Variants in ELF4 observed in about 807,000 individuals in gnomAD.
ELF4 encodes the protein ETS-related transcription factor Elf-4.
A neutral mutation model predicts 31.7 loss-of-function variants in ELF4; 10 were observed. That is an observed-to-expected ratio of 0.32 (90% confidence interval 0.19 to 0.54). The LOEUF is 0.54. Among genes scored for constraint, ELF4 ranks in the 20% least tolerant of loss-of-function variants. ELF4 has a pLI of 0.95. For synonymous variants in ELF4, 208 were observed against 226.7 expected, an observed-to-expected ratio of 0.92 and a Z score of 0.74; for missense variants, 418 against 522.0, an observed-to-expected ratio of 0.80 and a Z score of 1.94.
rs1322653339 is a variant in ELF4, at chrX:130,102,813, A to T, written c.-210+7512T>A. On this transcript the variant is annotated intron_variant, in intron 1 of 8. Coordinates refer to ENST00000308167, the MANE Select transcript of ELF4 (RefSeq NM_001421.4). ...GCCTGGGCAACAGAGCAAGACCAAGAAAAAGAAAGAAAGAAGAAAGCAAGA... is the reference window on the plus strand; with the variant it reads ...GCCTGGGCAACAGAGCAAGACCAAGTAAAAGAAAGAAAGAAGAAAGCAAGA... Among the ~76,000 whole-genome samples the T allele has an allele frequency of 1.1e-4, 12 of 104,400 alleles. No homozygotes were observed. The South Asian group carries it at 5.3e-3, about 46-fold the overall frequency. 90.7% of individuals were successfully genotyped at this position (104,400 alleles called of 115,157 possible). A position where few individuals can be genotyped will look rare whatever the true frequency, so the allele number is the denominator to read the frequency against.
In ELF4 at chrX:130,069,326, G is replaced by A; in HGVS notation, c.1161C>T (p.Gly387=). 2 of 1,212,252 alleles carry A rather than the reference G, an allele frequency of 1.6e-6. No homozygotes were observed. Among genetic ancestry groups the A allele is most frequent in the Non-Finnish European group, 2.2e-6 (2 of 895,620 alleles). Residue 387 remains glycine, a synonymous_variant, in exon 8 of 9, where the codon GGC becomes GGT. Transcript: ENST00000308167. ...TSTMLVSPAE[G]QVKLTKAVSA... Reference sequence around the variant, plus strand: ...TCACAGCTTTGGTGAGCTTGACCTGGCCCTCTGCTGGAGAGACGAGCATGG... The same window carrying A: ...TCACAGCTTTGGTGAGCTTGACCTGACCCTCTGCTGGAGAGACGAGCATGG...
intron 1 of ELF4, among the ~76,000 whole-genome samples, chrX:130,100,873 T>C (rs1366406309): frequency 3.6e-5 from 4 of 112,122 alleles, no homozygotes; most frequent in Non-Finnish European, 7.5e-5. Flanking sequence ...AAGAGTGAGA[T>C]CTCTAGAAAT....
At chrX:130,092,806 T>C (rs1223124333) in intron 1 of ELF4, among the ~76,000 whole-genome samples, 11 of 110,695 alleles carry the variant, frequency 9.9e-5, no homozygotes, top group Non-Finnish European at 1.9e-4. Context: ...TGCAGGGGCC[T>C]TGTCCCTAGC....
intron 7 of ELF4, 27 bp downstream of exon 7, chrX:130,071,013 G>A (rs754326470): frequency 8.3e-7 from 1 of 1,208,032 alleles, no homozygotes; most frequent in African/African-American, 1.8e-5. Flanking sequence ...CAGGGCAGGG[G>A]TTCTGCATCA....
At chrX:130,086,545 G>A (rs1029730655) in intron 1 of ELF4, among the ~76,000 whole-genome samples, 1 of 112,048 alleles carries the variant, frequency 8.9e-6, no homozygotes, top group Non-Finnish European at 1.9e-5. Flanking sequence ...TAGGGCCGGG[G>A]AGGAGGAGGG....
intron 8 of ELF4, 32 bp downstream of exon 8, chrX:130,069,268 G>A (rs1308649295): frequency 9.2e-6 from 11 of 1,196,379 alleles, no homozygotes; most frequent in African/African-American, 3.5e-5. Context: ...GATGTACTAT[G>A]TGAAGACTCA....
chrX:130,072,898 A>G (rs1351381788), intron 4 of ELF4, among the ~76,000 whole-genome samples: 1 of 103,240 alleles, frequency 9.7e-6, no homozygotes, highest in African/African-American at 3.4e-5. Context: ...GAGAGTCAGG[A>G]CTAGAAATCT....
chrX:130,080,174 C>T (rs1382410252), intron 2 of ELF4, among the ~76,000 whole-genome samples: 1 of 111,436 alleles, frequency 9.0e-6, no homozygotes, highest in African/African-American at 3.3e-5. Context: ...GTAATCCTAG[C>T]AGTTTGGGAT....
At chrX:130,106,450 T>C (rs1349725287) in intron 1 of ELF4, among the ~76,000 whole-genome samples, 1 of 111,204 alleles carries the variant, frequency 9.0e-6, no homozygotes, top group Non-Finnish European at 1.9e-5. Flanking sequence ...CCCTATGAGG[T>C]CAGAACCCTC....
At chrX:130,088,440 G>A (rs765605402) in intron 1 of ELF4, among the ~76,000 whole-genome samples, 3 of 111,166 alleles carry the variant, frequency 2.7e-5, no homozygotes, top group Admixed American at 9.6e-5. Context: ...TGCCGGGTGC[G>A]GTGGCTCATG....
chrX:130,082,381 T>G (rs1364116751), intron 1 of ELF4, among the ~76,000 whole-genome samples: 1 of 111,539 alleles, frequency 9.0e-6, no homozygotes, highest in Non-Finnish European at 1.9e-5. Context: ...GTGCTGTGTG[T>G]GGGTTTGTGT....
intron 3 of ELF4, 147 bp downstream of exon 3, chrX:130,074,434 T>A: frequency 2.5e-6 from 2 of 788,832 alleles, no homozygotes; most frequent in Non-Finnish European, 3.8e-6. Flanking sequence ...ACTAAGATGG[T>A]TCCCTCCTCT....
chrX:130,083,343 T>A (rs1291549976), intron 1 of ELF4, among the ~76,000 whole-genome samples: 2 of 103,150 alleles, frequency 1.9e-5, no homozygotes, highest in African/African-American at 7.2e-5. Context: ...CATTTATGCT[T>A]GGAAGGTCTG....
intron 1 of ELF4, among the ~76,000 whole-genome samples, chrX:130,108,389 G>C (rs750894559): frequency 9.0e-6 from 1 of 111,471 alleles, no homozygotes; most frequent in African/African-American, 3.3e-5. Context: ...CGGGGGTAGG[G>C]GATGTGGAAA....
intron 2 of ELF4, among the ~76,000 whole-genome samples, chrX:130,078,761 C>CTA (rs1569404469): frequency 1.4e-5 from 1 of 70,652 alleles, no homozygotes; most frequent in Admixed American, 1.5e-4. Context: ...CTCTCTCTCT[C>CTA]TACACACACA....
chrX:130,097,562 G>T (rs1025539413), intron 1 of ELF4, among the ~76,000 whole-genome samples: 52 of 112,555 alleles, frequency 4.6e-4, no homozygotes, highest in African/African-American at 1.6e-3. Context: ...ACACAATTAA[G>T]TGTTCAAATA....
At chrX:130,100,309 C>A (rs1452950290) in intron 1 of ELF4, among the ~76,000 whole-genome samples, 2 of 111,905 alleles carry the variant, frequency 1.8e-5, no homozygotes, top group Non-Finnish European at 3.8e-5. Flanking sequence ...TACTCCAGGA[C>A]ACACATTGAC....
intron 1 of ELF4, among the ~76,000 whole-genome samples, chrX:130,107,782 T>C (rs1189871085): frequency 8.9e-6 from 1 of 112,936 alleles, no homozygotes; most frequent in African/African-American, 3.2e-5. Context: ...TATTCATTCA[T>C]GTATTTGATC....
intron 1 of ELF4, among the ~76,000 whole-genome samples, chrX:130,094,237 A>T (rs1933108863): frequency 9.1e-6 from 1 of 110,473 alleles, no homozygotes; most frequent in Admixed American, 9.7e-5. Context: ...TACAAATATT[A>T]GCCAGGCGTG....
Sources: gnomAD v4.1 joint callset for allele counts (sites outside exome capture counted in the v4.1 genomes callset) on GRCh38, gnomAD v4.1.1 for gene constraint, MANE v1.5 for transcripts, NCBI Gene and HGNC (gene_info 2026-07-23, HGNC 2026-07-21) for gene names.